TMED3: variants seen among roughly 807,000 people sequenced by gnomAD.
TMED3 encodes transmembrane p24 trafficking protein 3.
Under a neutral mutation model 15.0 loss-of-function variants are expected in TMED3, and 9 were observed. That is an observed-to-expected ratio of 0.60 (90% CI 0.36 to 1.04). The LOEUF is 1.04. TMED3 is among the 50% of genes least tolerant of loss of function. The probability of loss-of-function intolerance (pLI) is 0.01; values close to 1 mark genes in which losing one functional copy is unlikely to be tolerated. For synonymous variants in TMED3, 117 were observed against 121.4 expected, an observed-to-expected ratio of 0.96 and a Z score of 0.24; for missense variants, 267 against 278.9, an observed-to-expected ratio of 0.96 and a Z score of 0.30.
downstream of TMED3, among the ~76,000 whole-genome samples, chr15:79,325,174 T>A (rs1039481346): frequency 6.6e-6 from 1 of 152,180 alleles, no homozygotes; most frequent in African/African-American, 2.4e-5. Flanking sequence ...TCAGAAATGG[T>A]CTAATGGTGT....
chr15:79,351,604 G>A (rs1260964820), intron 2 of TMED3, among the ~76,000 whole-genome samples: 1 of 152,128 alleles, frequency 6.6e-6, no homozygotes, highest in Non-Finnish European at 1.5e-5. Flanking sequence ...GGTCAAAAGG[G>A]AACACTTTTA....
chr15:79,369,480 T>A (rs1021623665), intron 2 of TMED3, among the ~76,000 whole-genome samples: 4 of 152,194 alleles, frequency 2.6e-5, no homozygotes, highest in African/African-American at 9.6e-5. Flanking sequence ...AGTGGTACAT[T>A]TAAAGGTGGG....
chr15:79,346,390 C>A (rs72740326), intron 2 of TMED3, among the ~76,000 whole-genome samples: 22,539 of 152,134 alleles, frequency 0.15, 1,640 homozygotes, highest in Middle Eastern at 0.2. Flanking sequence ...GCTATTCCCA[C>A]CATCCTGTTC....
At chr15:79,327,497 G>C (rs1028995339), downstream of TMED3, among the ~76,000 whole-genome samples, 7 of 152,206 alleles carry the variant, frequency 4.6e-5, no homozygotes, top group African/African-American at 1.7e-4. Context: ...CTGGGAAAAG[G>C]CTGGATGTTC....
chr15:79,354,785 C>T (rs950207730), intron 2 of TMED3, among the ~76,000 whole-genome samples: 5 of 152,170 alleles, frequency 3.3e-5, no homozygotes, highest in East Asian at 3.9e-4. Context: ...CACATAGGGT[C>T]ATTCCCTGTG....
intron 2 of TMED3, among the ~76,000 whole-genome samples, chr15:79,390,708 A>G (rs1013644159): frequency 6.6e-6 from 1 of 151,804 alleles, no homozygotes; most frequent in Admixed American, 6.6e-5. Context: ...CGGTGAATCC[A>G]TGTGGTTTTG....
chr15:79,329,442 G>A (rs992320361), intron 2 of TMED3, among the ~76,000 whole-genome samples: 3 of 152,222 alleles, frequency 2.0e-5, no homozygotes, highest in Admixed American at 6.5e-5. Context: ...GCACACAGGC[G>A]CATAACTCCA....
At chr15:79,375,675 C>A (rs1893411191) in intron 2 of TMED3, among the ~76,000 whole-genome samples, 1 of 152,112 alleles carries the variant, frequency 6.6e-6, no homozygotes, top group South Asian at 2.1e-4. Flanking sequence ...CTTGCAAGAA[C>A]TCACTTACTA....
chr15:79,338,916 C>G (rs1406572730), intron 2 of TMED3, among the ~76,000 whole-genome samples: 2 of 152,076 alleles, frequency 1.3e-5, no homozygotes, highest in African/African-American at 4.8e-5. Flanking sequence ...AAGGGAGTCT[C>G]CCTTTCCCCG....
intron 2 of TMED3, among the ~76,000 whole-genome samples, chr15:79,338,843 G>A (rs542429825): frequency 2.0e-5 from 3 of 152,202 alleles, no homozygotes; most frequent in South Asian, 2.1e-4. Context: ...GTTGCCAGGC[G>A]GACCGTGGTC....
intron 2 of TMED3, among the ~76,000 whole-genome samples, chr15:79,367,268 A>G (rs555696223): frequency 2.0e-5 from 3 of 152,314 alleles, no homozygotes; most frequent in Admixed American, 6.5e-5. Flanking sequence ...GTGAAGTGGA[A>G]ATCACTCCAG....
At chr15:79,312,724 C>T (rs1017406610) in intron 1 of TMED3, among the ~76,000 whole-genome samples, 11 of 152,188 alleles carry the variant, frequency 7.2e-5, no homozygotes, top group African/African-American at 2.7e-4. Flanking sequence ...AAAGACTCTT[C>T]CACCGCTGAC....
chr15:79,353,287 T>TAA (rs2058903604), intron 2 of TMED3, among the ~76,000 whole-genome samples: 1 of 48,086 alleles, frequency 2.1e-5, no homozygotes, highest in Non-Finnish European at 3.7e-5. Context: ...ATAATATATA[T>TAA]TATATGTATA....
downstream of TMED3, among the ~76,000 whole-genome samples, chr15:79,323,847 T>A (rs2058777591): frequency 6.6e-6 from 1 of 152,250 alleles, no homozygotes; most frequent in African/African-American, 2.4e-5. Context: ...TCCATAAATA[T>A]GTAGATTCAT....
intron 2 of TMED3, among the ~76,000 whole-genome samples, chr15:79,356,823 A>C (rs2058921196): frequency 1.3e-5 from 2 of 152,082 alleles, no homozygotes; most frequent in Admixed American, 1.3e-4. Flanking sequence ...ATTATTTATA[A>C]CCTCCCCAAA....
At chr15:79,413,011 A>G (rs1191287615) in exon 3 of TMED3, 2 of 150,684 alleles carry the variant, frequency 1.3e-5, no homozygotes, top group Non-Finnish European at 2.9e-5. Context: ...AACTCATCTT[A>G]TAACACAAGC....
At chr15:79,370,525 T>G (rs1211137607) in intron 2 of TMED3, among the ~76,000 whole-genome samples, 1 of 152,170 alleles carries the variant, frequency 6.6e-6, no homozygotes, top group Non-Finnish European at 1.5e-5. Flanking sequence ...CCCCTTTTGC[T>G]CTTCCATCAC....
chr15:79,344,821 C>T (rs2058863363), intron 2 of TMED3, among the ~76,000 whole-genome samples: 1 of 152,184 alleles, frequency 6.6e-6, no homozygotes, highest in Non-Finnish European at 1.5e-5. Context: ...AAAGACTTCA[C>T]TGTAGTGAGC....
intron 2 of TMED3, among the ~76,000 whole-genome samples, chr15:79,386,886 T>A (rs539407577): frequency 6.6e-6 from 1 of 151,936 alleles, no homozygotes; most frequent in African/African-American, 2.4e-5. Context: ...ATCTTTTTTG[T>A]TTATGGCTAA....
Sources: allele counts gnomAD v4.1 joint callset (sites outside exome capture counted in the v4.1 genomes callset), GRCh38; gene constraint gnomAD v4.1.1; transcripts MANE v1.5; gene names NCBI Gene and HGNC (gene_info 2026-07-23, HGNC 2026-07-21).